Variants in IQCJ observed in about 807,000 individuals in gnomAD.
IQCJ encodes IQ domain-containing protein J.
In IQCJ, 9 loss-of-function variants were observed where a neutral mutation model predicts 11.0. The observed-to-expected ratio is 0.82, with a 90% CI of 0.49 to 1.43. IQCJ has a LOEUF of 1.43. IQCJ is among the 40% of genes most tolerant of loss of function. The pLI is 0.00. For missense variants in IQCJ, 146 were observed against 133.2 expected (o/e 1.10, Z -0.47); for synonymous variants, 55 against 51.3 (o/e 1.07, Z -0.31).
At chr3:159,245,008 T>A (rs142695946) in intron 1 of IQCJ, among the ~76,000 whole-genome samples, 1 of 152,194 alleles carries the variant, frequency 6.6e-6, no homozygotes, top group East Asian at 1.9e-4. Context: ...TTGATAAGAC[T>A]GAAGAAGGGA....
chr3:159,199,047 A>G (rs770204557), intron 1 of IQCJ, among the ~76,000 whole-genome samples: 9 of 152,224 alleles, frequency 5.9e-5, no homozygotes, highest in Non-Finnish European at 1.0e-4. Context: ...AGATGTCTAA[A>G]ACAGGAAACA....
At chr3:159,182,208 T>A (rs1723129872) in intron 1 of IQCJ, among the ~76,000 whole-genome samples, 1 of 149,990 alleles carries the variant, frequency 6.7e-6, no homozygotes, top group African/African-American at 2.5e-5. Context: ...ATTATACTTT[T>A]TTTAAAAAAA....
chr3:159,106,405 G>A (rs1448331748), intron 1 of IQCJ, among the ~76,000 whole-genome samples: 1 of 152,044 alleles, frequency 6.6e-6, no homozygotes, highest in Non-Finnish European at 1.5e-5. Context: ...AGTGAGGGAA[G>A]CTAGAGAAGA....
At chr3:159,220,706 C>A (rs1295778495) in intron 1 of IQCJ, among the ~76,000 whole-genome samples, 1 of 152,134 alleles carries the variant, frequency 6.6e-6, no homozygotes. Flanking sequence ...AAATACCACA[C>A]CCTAATGGAG....
chr3:159,208,416 G>C (rs1190265696), intron 1 of IQCJ, among the ~76,000 whole-genome samples: 1 of 152,190 alleles, frequency 6.6e-6, no homozygotes, highest in Non-Finnish European at 1.5e-5. Context: ...CCCACTGACA[G>C]TATTCTCTGT....
chr3:159,129,047 A>G (rs1328511154), intron 1 of IQCJ, among the ~76,000 whole-genome samples: 2 of 152,140 alleles, frequency 1.3e-5, no homozygotes, highest in Non-Finnish European at 2.9e-5. Context: ...TTCAACAACA[A>G]CAATAACAAC....
chr3:159,145,523 T>C (rs1354908244), intron 1 of IQCJ, among the ~76,000 whole-genome samples: 2 of 152,008 alleles, frequency 1.3e-5, no homozygotes, highest in Non-Finnish European at 2.9e-5. Context: ...TGTAAAAAAA[T>C]GTTTGTGACC....
intron 1 of IQCJ, among the ~76,000 whole-genome samples, chr3:159,071,613 T>G (rs1229899569): frequency 6.6e-6 from 1 of 152,036 alleles, no homozygotes; most frequent in African/African-American, 2.4e-5. Flanking sequence ...TTGTTTGAGG[T>G]TTCATAGGTG....
chr3:159,250,848 G>A (rs973409963), intron 2 of IQCJ, among the ~76,000 whole-genome samples: 14 of 152,266 alleles, frequency 9.2e-5, no homozygotes, highest in African/African-American at 2.6e-4. Flanking sequence ...AGGTTCCTCC[G>A]TGATTCTCCT....
chr3:159,238,275 T>G (rs944246141), intron 1 of IQCJ, among the ~76,000 whole-genome samples: 1 of 152,168 alleles, frequency 6.6e-6, no homozygotes, highest in African/African-American at 2.4e-5. Flanking sequence ...CTCATGCCAG[T>G]GCCTCCCTCT....
intron 1 of IQCJ, among the ~76,000 whole-genome samples, chr3:159,076,016 T>C (rs1410815686): frequency 6.6e-6 from 1 of 152,088 alleles, no homozygotes; most frequent in Non-Finnish European, 1.5e-5. Context: ...CTTCTTACCT[T>C]TCCTGGGCTC....
At chr3:159,172,467 A>G (rs916138222) in intron 1 of IQCJ, among the ~76,000 whole-genome samples, 1 of 152,024 alleles carries the variant, frequency 6.6e-6, no homozygotes, top group African/African-American at 2.4e-5. Context: ...TATCAATTTT[A>G]TAACTATAAT....
At chr3:159,081,211 C>T (rs960452172) in intron 1 of IQCJ, among the ~76,000 whole-genome samples, 6 of 152,070 alleles carry the variant, frequency 3.9e-5, no homozygotes, top group African/African-American at 1.2e-4. Context: ...TTCATGAATA[C>T]AGAGACAGGA....
intron 1 of IQCJ, among the ~76,000 whole-genome samples, chr3:159,119,088 T>C (rs1719198189): frequency 6.6e-6 from 1 of 152,234 alleles, no homozygotes; most frequent in African/African-American, 2.4e-5. Context: ...CTGTTTTGGC[T>C]ATATCCAAGG....
chr3:159,229,684 C>A (rs1577096823), intron 1 of IQCJ, among the ~76,000 whole-genome samples: 1 of 136,652 alleles, frequency 7.3e-6, no homozygotes, highest in South Asian at 2.6e-4. Context: ...GGCTTCTACT[C>A]AACCCCAAAG....
At chr3:159,130,858 T>C (rs1444415758) in intron 1 of IQCJ, among the ~76,000 whole-genome samples, 3 of 152,206 alleles carry the variant, frequency 2.0e-5, no homozygotes, top group Non-Finnish European at 2.9e-5. Context: ...TATAGTTTTT[T>C]TGTTTGTTTA....
chr3:159,116,638 A>ATATATC (rs1719027590), intron 1 of IQCJ, among the ~76,000 whole-genome samples: 1 of 32,826 alleles, frequency 3.0e-5, no homozygotes, highest in Admixed American at 3.2e-4. Context: ...ATATATATAT[A>ATATATC]TATATATATA....
At chr3:159,170,267 AT>A (rs1351886358) in intron 1 of IQCJ, among the ~76,000 whole-genome samples, 2 of 151,896 alleles carry the variant, frequency 1.3e-5, no homozygotes, top group South Asian at 4.2e-4. Flanking sequence ...GTTTTTCAGT[AT>A]TTTTTTTCAA....
At chr3:159,224,322 A>C (rs529154183) in intron 1 of IQCJ, among the ~76,000 whole-genome samples, 25 of 152,310 alleles carry the variant, frequency 1.6e-4, no homozygotes, top group Non-Finnish European at 2.5e-4. Flanking sequence ...AAAACTATCA[A>C]ATTTGTTTGC....
Sources: allele counts gnomAD v4.1 joint callset (sites outside exome capture counted in the v4.1 genomes callset), GRCh38; gene constraint gnomAD v4.1.1; transcripts MANE v1.5; gene names NCBI Gene and HGNC (gene_info 2026-07-23, HGNC 2026-07-21).